The following NAA35 variants were observed in gnomAD, a reference collection of about 807,000 sequenced individuals.
NAA35 encodes MAK10 homolog, amino-acid N-acetyltransferase subunit.
NAA35 carries 18 observed loss-of-function variants against 101.7 expected under a neutral mutation model. The ratio of observed to expected loss-of-function variants is 0.18; its 90% CI spans 0.12 to 0.26. NAA35 has a LOEUF of 0.26. Ranked by LOEUF, NAA35 falls within the 10% of genes least tolerant of loss-of-function variation. The pLI, the probability that NAA35 is intolerant of heterozygous loss-of-function variation, is 1.00. For synonymous variants in NAA35, 267 were observed against 273.1 expected (o/e 0.98, Z 0.22); for missense variants, 601 against 886.8 (o/e 0.68, Z 4.09).
At chr9:85,962,557 G>A (rs1023040990) in intron 6 of NAA35, among the ~76,000 whole-genome samples, 35 of 151,194 alleles carry the variant, frequency 2.3e-4, no homozygotes, top group African/African-American at 8.5e-4. Flanking sequence ...TATTCACTGT[G>A]ATGTATTTAA....
At position 85,941,181 on chromosome 9, in the gene NAA35, T is replaced by A. The variant is rs927104091; in HGVS notation, c.-98T>A. On this transcript the variant is annotated 5_prime_UTR_variant, in exon 1 of 23. Coordinates refer to ENST00000361671, the MANE Select transcript of NAA35 (RefSeq NM_024635.4). ...GTGCACGCTGCCGGTCGGGCTGGGCTGAGAGGGGAGGGGGCGGCGGCGGCC... is the reference window on the plus strand; with the variant it reads ...GTGCACGCTGCCGGTCGGGCTGGGCAGAGAGGGGAGGGGGCGGCGGCGGCC... The A allele has an allele frequency of 4.1e-6, 4 of 986,456 alleles. No homozygotes were observed. Among genetic ancestry groups the A allele is most frequent in the Non-Finnish European group, 4.8e-6 (4 of 830,698 alleles). 61.1% of individuals were successfully genotyped at this position (986,456 alleles called of 1,614,324 possible). A position where few individuals can be genotyped will look rare whatever the true frequency, so the allele number is the denominator to read the frequency against.
intron 12 of NAA35, 114 bp downstream of exon 12, chr9:85,996,691 T>A: frequency 1.4e-6 from 1 of 717,624 alleles, no homozygotes; most frequent in Non-Finnish European, 2.2e-6. Flanking sequence ...ATTGATTGCT[T>A]TATAGACATT....
chr9:86,007,615 CCA>C, intron 14 of NAA35, 151 bp downstream of exon 14: 1 of 543,738 alleles, frequency 1.8e-6, no homozygotes. Flanking sequence ...TTGATCTCTG[CCA>C]CATTGTTTAG....
At chr9:85,973,260 A>G (rs1409091148) in intron 6 of NAA35, among the ~76,000 whole-genome samples, 1 of 152,240 alleles carries the variant, frequency 6.6e-6, no homozygotes, top group Non-Finnish European at 1.5e-5. Context: ...CATAGAGGCC[A>G]TGGTGGACTT....
chr9:85,973,941 T>G (rs111800270), intron 6 of NAA35, among the ~76,000 whole-genome samples: 152 of 152,134 alleles, frequency 1.0e-3, no homozygotes, highest in African/African-American at 3.5e-3. Context: ...ACTATTGTTC[T>G]GTTATTTTAG....
At chr9:85,980,485 G>A (rs1287345006) in intron 11 of NAA35, among the ~76,000 whole-genome samples, 4 of 152,152 alleles carry the variant, frequency 2.6e-5, no homozygotes, top group South Asian at 2.1e-4. Flanking sequence ...AGGAGTTAAC[G>A]TTAGGAAACA....
chr9:85,971,128 C>T (rs766012676), intron 6 of NAA35, among the ~76,000 whole-genome samples: 18 of 152,186 alleles, frequency 1.2e-4, no homozygotes, highest in Non-Finnish European at 1.5e-4. Context: ...CCCATGGCTC[C>T]TTGTATCTAC....
chr9:86,006,982 C>A (rs570920695), intron 13 of NAA35, among the ~76,000 whole-genome samples: 1 of 152,124 alleles, frequency 6.6e-6, no homozygotes, highest in East Asian at 1.9e-4. Flanking sequence ...GTATATGTTA[C>A]AAAACATTCA....
At chr9:85,995,228 C>T (rs2118247008) in intron 11 of NAA35, among the ~76,000 whole-genome samples, 1 of 151,062 alleles carries the variant, frequency 6.6e-6, no homozygotes, top group East Asian at 1.9e-4. Context: ...ATTTGGCCCT[C>T]TTGTACTGAG....
intron 12 of NAA35, among the ~76,000 whole-genome samples, chr9:85,998,027 G>T (rs1168234166): frequency 6.6e-6 from 1 of 151,896 alleles, no homozygotes; most frequent in Non-Finnish European, 1.5e-5. Context: ...CCATTCTCCT[G>T]CCTCAGCCTC....
At chr9:85,958,425 C>A in intron 3 of NAA35, 47 bp from the exon 4 acceptor site, 1 of 1,174,796 alleles carries the variant, frequency 8.5e-7, no homozygotes. Context: ...TATGAATAAG[C>A]TTACTGGCTC....
At chr9:85,984,430 C>T (rs1830564489) in intron 11 of NAA35, among the ~76,000 whole-genome samples, 1 of 152,166 alleles carries the variant, frequency 6.6e-6, no homozygotes, top group African/African-American at 2.4e-5. Flanking sequence ...CCACCCAGCA[C>T]ACCAGAATGA....
chr9:85,996,612 C>T (rs552213134), intron 12 of NAA35, 35 bp downstream of exon 12: 2 of 1,444,162 alleles, frequency 1.4e-6, no homozygotes, highest in East Asian at 2.5e-5. Flanking sequence ...ATGTAACTTC[C>T]ATTTAAAAAA....
At chr9:85,961,411 T>C (rs991546973) in intron 5 of NAA35, among the ~76,000 whole-genome samples, 1 of 152,218 alleles carries the variant, frequency 6.6e-6, no homozygotes, top group African/African-American at 2.4e-5. Flanking sequence ...AATAACCTAG[T>C]ATAATATTTG....
At chr9:86,000,842 G>A (rs909985068) in intron 12 of NAA35, among the ~76,000 whole-genome samples, 3 of 151,862 alleles carry the variant, frequency 2.0e-5, no homozygotes, top group Non-Finnish European at 4.4e-5. Flanking sequence ...AAAACTAATA[G>A]CAAGATTTGT....
chr9:85,996,812 T>A (rs938460017), intron 12 of NAA35, among the ~76,000 whole-genome samples: 3 of 152,242 alleles, frequency 2.0e-5, no homozygotes, highest in African/African-American at 7.2e-5. Context: ...TTTTACACTA[T>A]TTTAGAGATT....
chr9:85,954,435 A>T (rs1011671287), intron 2 of NAA35, among the ~76,000 whole-genome samples: 4 of 152,244 alleles, frequency 2.6e-5, no homozygotes, highest in Non-Finnish European at 5.9e-5. Context: ...TGTCTCGACC[A>T]TTTTACAAAC....
intron 3 of NAA35, among the ~76,000 whole-genome samples, chr9:85,958,027 C>T (rs982957011): frequency 4.0e-5 from 6 of 151,882 alleles, no homozygotes; most frequent in Admixed American, 6.6e-5. Flanking sequence ...CCGTAACCTC[C>T]GCCTCCCGGG....
chr9:85,995,640 A>AT (rs1392077757), intron 11 of NAA35, among the ~76,000 whole-genome samples: 1 of 152,068 alleles, frequency 6.6e-6, no homozygotes, highest in African/African-American at 2.4e-5. Context: ...CTGAAACCAT[A>AT]TTTTTTCTTA....
Sources: gnomAD v4.1 joint callset for allele counts (sites outside exome capture counted in the v4.1 genomes callset) on GRCh38, gnomAD v4.1.1 for gene constraint, MANE v1.5 for transcripts, NCBI Gene and HGNC (gene_info 2026-07-23, HGNC 2026-07-21) for gene names.